HMGCLL1: variants seen among roughly 807,000 people sequenced by gnomAD.
HMGCLL1 encodes the protein 3-hydroxy-3-methylglutaryl-CoA lyase like 1, also known as 3-hydroxymethyl-3-methylglutaryl-CoA lyase, cytoplasmic.
In HMGCLL1, 36 loss-of-function variants were observed where a neutral mutation model predicts 39.1. The ratio of observed to expected loss-of-function variants is 0.92; its 90% CI spans 0.71 to 1.22. The LOEUF (loss-of-function observed/expected upper bound fraction) is 1.22. Ranked by LOEUF, HMGCLL1 falls within the 50% of genes most tolerant of loss-of-function variation. The pLI, the probability that HMGCLL1 is intolerant of heterozygous loss-of-function variation, is 0.00. For missense variants in HMGCLL1, 451 were observed against 416.5 expected (o/e 1.08, Z -0.72); for synonymous variants, 149 against 144.0 (o/e 1.03, Z -0.25).
At chr6:55,504,566 G>A (rs1767056843) in intron 5 of HMGCLL1, among the ~76,000 whole-genome samples, 1 of 151,492 alleles carries the variant, frequency 6.6e-6, no homozygotes, top group South Asian at 2.1e-4. Flanking sequence ...TGTTTGTGGG[G>A]AATTCTCCCT....
chr6:55,575,078 G>A (rs971041385), intron 1 of HMGCLL1, among the ~76,000 whole-genome samples: 17 of 151,958 alleles, frequency 1.1e-4, no homozygotes, highest in African/African-American at 3.9e-4. Flanking sequence ...AAGGGGGATC[G>A]CTTCACTAGG....
the HMGCLL1 span, among the ~76,000 whole-genome samples, chr6:55,603,643 G>C: frequency 6.6e-6 from 1 of 152,026 alleles, no homozygotes; most frequent in Non-Finnish European, 1.5e-5. Flanking sequence ...GTCTTCTTGG[G>C]GAAAACTGGT....
At chr6:55,621,376 C>A in the HMGCLL1 span, among the ~76,000 whole-genome samples, 2 of 152,046 alleles carry the variant, frequency 1.3e-5, no homozygotes, top group Admixed American at 6.6e-5. Flanking sequence ...CTGGGCAACA[C>A]AACGGGTGGT....
upstream of HMGCLL1, among the ~76,000 whole-genome samples, chr6:55,584,007 G>A (rs985403803): frequency 5.3e-5 from 8 of 151,896 alleles, no homozygotes; most frequent in Non-Finnish European, 1.0e-4. Context: ...CATGTTCATG[G>A]CCCAGTTAAC....
chr6:55,526,057 C>T (rs1022788101), intron 3 of HMGCLL1, among the ~76,000 whole-genome samples: 2 of 151,848 alleles, frequency 1.3e-5, no homozygotes, highest in Admixed American at 1.3e-4. Context: ...ATCCTTACCC[C>T]CAGCTGGAAC....
chr6:55,544,573 T>C (rs540015479), intron 1 of HMGCLL1, among the ~76,000 whole-genome samples: 4 of 152,266 alleles, frequency 2.6e-5, no homozygotes, highest in Admixed American at 6.6e-5. Context: ...ACTCTGTCCT[T>C]GTAAAAATTA....
rs1028638739 is a variant in HMGCLL1, at chr6:55,434,504, A to T, written c.*1158T>A. On this transcript the variant is annotated 3_prime_UTR_variant, in exon 9 of 9. Transcript: ENST00000274901. ...ATAATATCACCCGGTATTATTAGAG[A>T]AGTCTCTCTAAATACTAGAACTGAC... is the stretch of plus-strand genomic sequence containing the variant. The T allele has an allele frequency of 2.6e-5, 4 of 152,084 alleles. No homozygotes were observed. The highest frequency in any genetic ancestry group is 5.9e-5 in the Non-Finnish European group (4 of 68,004). The allele number at this position is 152,084 out of a possible 1,614,324, so 9.4% of individuals were successfully genotyped here.
At chr6:55,625,911 G>A in the HMGCLL1 span, among the ~76,000 whole-genome samples, 3 of 152,142 alleles carry the variant, frequency 2.0e-5, no homozygotes, top group Non-Finnish European at 4.4e-5. Flanking sequence ...GACCCGTTCT[G>A]TGGACACCAC....
At chr6:55,628,319 T>A in the HMGCLL1 span, among the ~76,000 whole-genome samples, 1 of 146,842 alleles carries the variant, frequency 6.8e-6, no homozygotes, top group East Asian at 2.0e-4. Context: ...TTTATTTTTT[T>A]GAGACAGAGT....
At chr6:55,672,502 A>G in the HMGCLL1 span, among the ~76,000 whole-genome samples, 2 of 151,826 alleles carry the variant, frequency 1.3e-5, no homozygotes, top group African/African-American at 4.8e-5. Flanking sequence ...CAAATATAAT[A>G]TAATCAAATT....
At position 55,499,224 on chromosome 6, in the gene HMGCLL1, G is replaced by A. The variant is rs779706280; in HGVS notation, c.606+12C>T. The A allele has an allele frequency of 1.0e-5, 16 of 1,601,678 alleles. No homozygotes were observed. The highest frequency in any genetic ancestry group is 1.3e-5 in the Non-Finnish European group (15 of 1,174,078). On this transcript the variant is annotated intron_variant, in intron 6 of 8. Transcript: ENST00000274901. Reference sequence around the variant, plus strand: ...GTTACCATAAACCAAAAAAGCTGAAGATGTAGCTTACTTCTGTCACTTTTT... The same window carrying A: ...GTTACCATAAACCAAAAAAGCTGAAAATGTAGCTTACTTCTGTCACTTTTT...
chr6:55,564,934 C>T (rs1771142300), intron 1 of HMGCLL1, among the ~76,000 whole-genome samples: 1 of 151,928 alleles, frequency 6.6e-6, no homozygotes, highest in African/African-American at 2.4e-5. Flanking sequence ...CCACCTCAGC[C>T]TGTGAATGTT....
At chr6:55,456,469 A>G (rs4466250) in intron 7 of HMGCLL1, among the ~76,000 whole-genome samples, 10,024 of 152,242 alleles carry the variant, frequency 0.066, 401 homozygotes, top group African/African-American at 0.11. Context: ...TCATGGACAG[A>G]TTAATGTCCA....
At chr6:55,513,570 T>C (rs536032259) in intron 5 of HMGCLL1, 1 of 154,570 alleles carries the variant, frequency 6.5e-6, no homozygotes, top group East Asian at 1.9e-4. Context: ...GGAGAAAGAA[T>C]GGATAAAATG....
At chr6:55,574,658 T>A (rs1373040870) in intron 1 of HMGCLL1, among the ~76,000 whole-genome samples, 1 of 151,914 alleles carries the variant, frequency 6.6e-6, no homozygotes, top group Non-Finnish European at 1.5e-5. Context: ...TAGAAAACAG[T>A]ATGATGGCAG....
chr6:55,624,801 C>G, the HMGCLL1 span, among the ~76,000 whole-genome samples: 1 of 152,052 alleles, frequency 6.6e-6, no homozygotes, highest in South Asian at 2.1e-4. Context: ...GCATTTGGCC[C>G]CTCCTACAAC....
intron 7 of HMGCLL1, among the ~76,000 whole-genome samples, chr6:55,473,409 A>T (rs1437984997): frequency 6.6e-6 from 1 of 151,366 alleles, no homozygotes; most frequent in Non-Finnish European, 1.5e-5. Flanking sequence ...ATTTCTTAAA[A>T]TTTTTAGTGA....
At chr6:55,484,422 C>T (rs757292424) in intron 7 of HMGCLL1, among the ~76,000 whole-genome samples, 7 of 151,802 alleles carry the variant, frequency 4.6e-5, no homozygotes, top group South Asian at 2.1e-4. Context: ...ATCTATATGC[C>T]GCTTATTATA....
intron 8 of HMGCLL1, among the ~76,000 whole-genome samples, chr6:55,438,890 A>G (rs979984512): frequency 6.6e-6 from 1 of 152,060 alleles, no homozygotes; most frequent in Non-Finnish European, 1.5e-5. Context: ...AATTTGGTGG[A>G]TGTGGTTACA....
Sources: gnomAD v4.1 joint callset for allele counts (sites outside exome capture counted in the v4.1 genomes callset) on GRCh38, gnomAD v4.1.1 for gene constraint, MANE v1.5 for transcripts, NCBI Gene and HGNC (gene_info 2026-07-23, HGNC 2026-07-21) for gene names.